The following CCDC88A variants were observed in gnomAD, a reference collection of about 807,000 sequenced individuals.
The protein encoded by CCDC88A is coiled-coil and HOOK domain protein 88A, also known as girdin.
A neutral mutation model predicts 234.3 loss-of-function variants in CCDC88A; 54 were observed. The ratio of observed to expected loss-of-function variants is 0.23; its 90% CI spans 0.19 to 0.29. The LOEUF (loss-of-function observed/expected upper bound fraction) is 0.29. CCDC88A is among the 10% of genes least tolerant of loss of function. The probability of loss-of-function intolerance (pLI) is 1.00; values close to 1 mark genes in which losing one functional copy is unlikely to be tolerated. For missense variants in CCDC88A, 1,832 were observed against 2,123.4 expected (o/e 0.86, Z 2.70); for synonymous variants, 753 against 737.8 (o/e 1.02, Z -0.33).
At position 55,299,882 on chromosome 2, in the gene CCDC88A, G is replaced by A. The variant is rs141922168; in HGVS notation, c.4782C>T (p.Ser1594=). ...AAGCATTATTATTGCTATTGCTAGTGGATGTTCTGCCACTATCAAGGCTGG... is the reference window on the plus strand; with the variant it reads ...AAGCATTATTATTGCTATTGCTAGTAGATGTTCTGCCACTATCAAGGCTGG... ...RPASLDSGRT[S]TSNSNNNASL... The change falls in exon 29 of 33, where the codon TCC becomes TCT. Residue 1594 remains serine, a synonymous_variant. Transcript: ENST00000436346. 3.7e-6 allele frequency: 6 copies of A among 1,613,598 alleles called. No homozygotes were observed. The East Asian group carries it at 8.9e-5, about 24-fold the overall frequency.
chr2:55,368,072 ACT>A (rs1672281519), intron 5 of CCDC88A, among the ~76,000 whole-genome samples: 1 of 152,200 alleles, frequency 6.6e-6, no homozygotes, highest in Non-Finnish European at 1.5e-5. Flanking sequence ...TTCACCTAGG[ACT>A]CTCTAACTAC....
At chr2:55,322,345 C>T (rs1424860508) in intron 18 of CCDC88A, among the ~76,000 whole-genome samples, 183 bp downstream of exon 18, 4 of 150,400 alleles carry the variant, frequency 2.7e-5, no homozygotes, top group Non-Finnish European at 5.9e-5. Context: ...ATGTTCCAGG[C>T]AGGAGAAGCA....
intron 22 of CCDC88A, 157 bp from the exon 23 acceptor site, chr2:55,312,736 C>A (rs1006614604): frequency 2.7e-5 from 15 of 563,694 alleles, no homozygotes; most frequent in Admixed American, 2.4e-4. Context: ...AGTGATGACA[C>A]CTACAGCACT....
intron 5 of CCDC88A, among the ~76,000 whole-genome samples, chr2:55,364,777 T>C (rs573390976): frequency 6.6e-6 from 1 of 152,138 alleles, no homozygotes; most frequent in Admixed American, 6.5e-5. Context: ...CCAGTCAGCA[T>C]TAACAATTTA....
intron 7 of CCDC88A, chr2:55,361,787 A>C (rs1671357235): frequency 6.6e-6 from 1 of 152,348 alleles, no homozygotes; most frequent in African/African-American, 2.4e-5. Flanking sequence ...TCTTTTTAAA[A>C]AGCAAAGCTC....
intron 2 of CCDC88A, chr2:55,399,720 T>C (rs1260296854): frequency 6.6e-6 from 1 of 152,182 alleles, no homozygotes; most frequent in Non-Finnish European, 1.5e-5. Flanking sequence ...ATATTAATAA[T>C]TGTGTTGGAT....
intron 22 of CCDC88A, chr2:55,313,607 G>A (rs1682603442): frequency 6.6e-6 from 1 of 151,970 alleles, no homozygotes; most frequent in Non-Finnish European, 1.5e-5. Flanking sequence ...TAAAAATTTG[G>A]CGTCCCTTGT....
At chr2:55,297,355 A>ATATAT in intron 29 of CCDC88A, among the ~76,000 whole-genome samples, 1 of 97,194 alleles carries the variant, frequency 1.0e-5, no homozygotes, top group Non-Finnish European at 1.8e-5. Context: ...TATTATATAT[A>ATATAT]AATATATATA....
chr2:55,343,685 T>G lies in CCDC88A; in HGVS notation c.1296A>C (p.Glu432Asp). 1 of 1,611,420 alleles carries G rather than the reference T, an allele frequency of 6.2e-7. No individual in the cohort carries two copies. The highest frequency in any genetic ancestry group is 8.5e-7 in the Non-Finnish European group (1 of 1,178,702). Residue 432 changes from glutamate (E) to aspartate (D), a missense_variant, in exon 12 of 33, where the codon GAA becomes GAC. This residue lies in a region of CCDC88A where 1,282 missense variants were observed against 1,543.6 expected (regional missense o/e 0.83). Coordinates refer to ENST00000436346, the MANE Select transcript of CCDC88A (RefSeq NM_001365480.1). The stretch of plus-strand genomic sequence containing the variant: ...CACTAGTTCTGGATATCTGTTCCAG[T>G]TCCCAGCCAAGATGTAATGATTCAT... ...SMDESLHLGW[E>D]LEQISRTSEL...
intron 3 of CCDC88A, among the ~76,000 whole-genome samples, chr2:55,378,297 T>C (rs1286956252): frequency 6.6e-6 from 1 of 152,258 alleles, no homozygotes; most frequent in Non-Finnish European, 1.5e-5. Context: ...CAAAGACTTT[T>C]TGTTAATACA....
At chr2:55,343,869 C>CA (rs1264328905) in intron 11 of CCDC88A, 77 bp from the exon 12 acceptor site, 1 of 1,194,116 alleles carries the variant, frequency 8.4e-7, no homozygotes, top group Non-Finnish European at 1.1e-6. Context: ...TTATTTCTCA[C>CA]AACTTTTATT....
chr2:55,380,548 C>T (rs1354409042), intron 3 of CCDC88A, among the ~76,000 whole-genome samples: 2 of 151,046 alleles, frequency 1.3e-5, no homozygotes, highest in Admixed American at 6.6e-5. Context: ...ATTTCATTTC[C>T]ACCACATGTT....
At chr2:55,369,443 A>T (rs1235002254) in intron 5 of CCDC88A, among the ~76,000 whole-genome samples, 2 of 131,602 alleles carry the variant, frequency 1.5e-5, no homozygotes, top group Non-Finnish European at 3.1e-5. Context: ...CTACGTTTCA[A>T]CCACACTTTT....
chr2:55,294,487 G>A, intron 31 of CCDC88A: 1 of 904,666 alleles, frequency 1.1e-6, no homozygotes, highest in African/African-American at 1.8e-5. Flanking sequence ...ATAAAGTGTT[G>A]AATTATTAAC....
At chr2:55,388,455 A>T (rs532125979) in intron 3 of CCDC88A, 1 of 158,500 alleles carries the variant, frequency 6.3e-6, no homozygotes, top group Non-Finnish European at 1.4e-5. Flanking sequence ...TTTTTAAAAA[A>T]AATGGAAGTA....
intron 2 of CCDC88A, chr2:55,418,488 A>G (rs1681832063): frequency 3.5e-6 from 1 of 285,446 alleles, no homozygotes; most frequent in Non-Finnish European, 6.6e-6. Context: ...TTCCTCTCTT[A>G]GGAAACCAGA....
At chr2:55,380,873 C>G (rs1674476296) in intron 3 of CCDC88A, among the ~76,000 whole-genome samples, 2 of 152,162 alleles carry the variant, frequency 1.3e-5, no homozygotes, top group Admixed American at 6.5e-5. Context: ...GCCTTGGCCT[C>G]CCAAAGTGCT....
intron 5 of CCDC88A, among the ~76,000 whole-genome samples, chr2:55,370,879 G>A (rs1672748148): frequency 6.6e-6 from 1 of 151,480 alleles, no homozygotes; most frequent in South Asian, 2.1e-4. Context: ...AGGCATGGTG[G>A]CACATGCCCG....
rs1345027200 is a variant in CCDC88A, at chr2:55,328,682, T to C, written c.2856-247A>G. 1.1e-5 allele frequency: 3 copies of C among 271,510 alleles called. No homozygotes were observed. Among genetic ancestry groups the C allele is most frequent in the Non-Finnish European group, 2.0e-5 (3 of 148,410 alleles). 16.8% of individuals were successfully genotyped at this position (271,510 alleles called of 1,614,324 possible). A position where few individuals can be genotyped will look rare whatever the true frequency, so the allele number is the denominator to read the frequency against. On this transcript the variant is annotated intron_variant, in intron 16 of 32. Coordinates refer to ENST00000436346, the MANE Select transcript of CCDC88A (RefSeq NM_001365480.1). The surrounding 1 kb of genome is among the most constrained non-coding windows in gnomAD (Gnocchi z 4.3). ...TGGCTTAGATTATCAAAAGCAATAA[T>C]TAATTCTCAAGGAACCCGGAAGACC... is the stretch of plus-strand genomic sequence containing the variant.
Sources: allele counts gnomAD v4.1 joint callset (sites outside exome capture counted in the v4.1 genomes callset), GRCh38; gene constraint gnomAD v4.1.1; regional missense constraint gnomAD v4.1.1; non-coding constraint Gnocchi (gnomAD v3.1); transcripts MANE v1.5; gene names NCBI Gene and HGNC (gene_info 2026-07-23, HGNC 2026-07-21).